Variants in HBP1 observed in about 807,000 individuals in gnomAD.
HBP1 encodes HMG box-containing protein 1.
In HBP1, 20 loss-of-function variants were observed where a neutral mutation model predicts 62.6. The observed-to-expected ratio is 0.32, with a 90% CI of 0.22 to 0.46. The LOEUF (loss-of-function observed/expected upper bound fraction) is 0.46, where lower values mean the gene tolerates loss of function less well. Ranked by LOEUF, HBP1 falls within the 20% of genes least tolerant of loss-of-function variation. The probability of loss-of-function intolerance (pLI) is 1.00; values close to 1 mark genes in which losing one functional copy is unlikely to be tolerated. For synonymous variants in HBP1, 232 were observed against 206.2 expected (o/e 1.12, Z -1.07); for missense variants, 480 against 611.8 (o/e 0.78, Z 2.27).
At chr7:107,170,269 T>A (rs1295606819) in intron 1 of HBP1, 1 of 251,194 alleles carries the variant, frequency 4.0e-6, no homozygotes, top group Non-Finnish European at 6.3e-6. Context: ...AGGCTTTAGC[T>A]TTATTAATAC....
intron 1 of HBP1, among the ~76,000 whole-genome samples, chr7:107,174,971 CTCTCTTAAGA>C (rs958575824): frequency 6.6e-5 from 10 of 152,040 alleles, no homozygotes; most frequent in African/African-American, 2.4e-4. Flanking sequence ...TGACTAGTTT[CTCTCTTAAGA>C]GTTAATAAAT....
chr7:107,200,039 C>G, intron 9 of HBP1, 121 bp from the exon 10 acceptor site: 1 of 738,584 alleles, frequency 1.4e-6, no homozygotes, highest in Non-Finnish European at 2.1e-6. Flanking sequence ...TTTCCCATCT[C>G]TGTGATAGAC....
At position 107,169,148 on chromosome 7, in the gene HBP1, G is replaced by C; in HGVS notation, c.-53G>C. 2.5e-6 allele frequency: 3 copies of C among 1,198,452 alleles called. No individual in the cohort carries two copies. The South Asian group carries it at 4.3e-5, about 17-fold the overall frequency. The allele number at this position is 1,198,452 out of a possible 1,614,324, so 74.2% of individuals were successfully genotyped here. A position where few individuals can be genotyped will look rare whatever the true frequency, so the allele number is the denominator to read the frequency against. On this transcript the variant is annotated 5_prime_UTR_variant, in exon 1 of 11. Transcript: ENST00000222574. ...GCTGCTGGTGGTGTTGTCGTGGCCG[G>C]AGCGGCCCGCGCCTGGGCTGCCGGC...
chr7:107,197,559 G>A (rs760370703), intron 9 of HBP1, among the ~76,000 whole-genome samples: 40 of 152,006 alleles, frequency 2.6e-4, no homozygotes, highest in Admixed American at 1.6e-3. Flanking sequence ...TAGTAGACAT[G>A]GGGTTTCACT....
chr7:107,189,548 G>C (rs1797547384), intron 7 of HBP1, 100 bp downstream of exon 7: 5 of 848,232 alleles, frequency 5.9e-6, no homozygotes, highest in African/African-American at 1.7e-5. Flanking sequence ...AATTTGAGGG[G>C]AAAACGTCTT....
At chr7:107,181,616 C>G (rs974813895) in intron 2 of HBP1, among the ~76,000 whole-genome samples, 51 of 150,898 alleles carry the variant, frequency 3.4e-4, no homozygotes, top group African/African-American at 1.2e-3. Flanking sequence ...TTTAAGGGAC[C>G]CAATAGGTTT....
chr7:107,170,881 A>G (rs2115749078), intron 1 of HBP1, among the ~76,000 whole-genome samples: 1 of 149,808 alleles, frequency 6.7e-6, no homozygotes, highest in South Asian at 2.1e-4. Context: ...GTCAAACATG[A>G]TACTGTCACT....
chr7:107,170,276 A>G (rs1221985061), intron 1 of HBP1: 1 of 228,106 alleles, frequency 4.4e-6, no homozygotes, highest in Non-Finnish European at 7.3e-6. Flanking sequence ...AGCTTTATTA[A>G]TACTTCCCTC....
intron 1 of HBP1, 87 bp from the exon 2 acceptor site, chr7:107,179,792 T>G: frequency 1.2e-6 from 1 of 809,046 alleles, no homozygotes; most frequent in Non-Finnish European, 2.0e-6. Flanking sequence ...CAAAACAACA[T>G]TGTCATGTCT....
chr7:107,178,288 GGCATGAGCTACT>G (rs1796956402), intron 1 of HBP1, among the ~76,000 whole-genome samples: 2 of 152,078 alleles, frequency 1.3e-5, no homozygotes, highest in Non-Finnish European at 2.9e-5. Flanking sequence ...TGGAACTATA[GGCATGAGCTACT>G]GCATCAGGCT....
At chr7:107,188,515 G>A (rs1797496373) in intron 6 of HBP1, among the ~76,000 whole-genome samples, 1 of 152,146 alleles carries the variant, frequency 6.6e-6, no homozygotes, top group South Asian at 2.1e-4. Flanking sequence ...CTTTTGGCGT[G>A]TTTGTCTCCT....
intron 8 of HBP1, among the ~76,000 whole-genome samples, chr7:107,192,175 C>G (rs1229471372): frequency 6.6e-6 from 1 of 151,700 alleles, no homozygotes; most frequent in South Asian, 2.1e-4. Context: ...ATAACAAAAT[C>G]CAAACTTCCA....
chr7:107,179,821 G>A lies in HBP1; in HGVS notation c.-15-58G>A, dbSNP rs541157323. The A allele has an allele frequency of 9.0e-6, 10 of 1,108,224 alleles. No homozygotes were observed. The South Asian group carries it at 1.6e-4, about 17-fold the overall frequency. The allele number at this position is 1,108,224 out of a possible 1,614,324, so 68.6% of individuals were successfully genotyped here. On this transcript the variant is annotated intron_variant, in intron 1 of 10. Transcript: ENST00000222574. ...CATGTCTCTGATTTATTTTAGGTTT[G>A]TGTACTGCCCAAATTGCATGGCTTG... is the stretch of plus-strand genomic sequence containing the variant.
At chr7:107,186,291 G>C in intron 4 of HBP1, 70 bp from the exon 5 acceptor site, 1 of 919,652 alleles carries the variant, frequency 1.1e-6, no homozygotes, top group Non-Finnish European at 1.7e-6. Flanking sequence ...TAAAGACGTG[G>C]GATGAAAACA....
chr7:107,181,916 A>G (rs1797124314), intron 2 of HBP1, among the ~76,000 whole-genome samples: 2 of 152,102 alleles, frequency 1.3e-5, no homozygotes, highest in African/African-American at 4.8e-5. Context: ...ATAACCGATA[A>G]ATAACCAGTA....
At chr7:107,190,116 T>G in intron 7 of HBP1, 57 bp from the exon 8 acceptor site, 2 of 1,367,190 alleles carry the variant, frequency 1.5e-6, no homozygotes, top group Non-Finnish European at 2.0e-6. Context: ...ATGTCTGTTC[T>G]AAAGTAGGGT....
At chr7:107,190,487 A>G (rs149683924) in intron 8 of HBP1, among the ~76,000 whole-genome samples, 170 bp downstream of exon 8, 242 of 152,358 alleles carry the variant, frequency 1.6e-3, no homozygotes, top group African/African-American at 5.5e-3. Flanking sequence ...TAATTAAAGT[A>G]TAATAGTTAC....
Position 107,194,301 on chromosome 7 carries a change from TA to T in HBP1, c.1068-1532del, listed in dbSNP as rs1209051378. ...AATTAGCTTACCCAGTATCTTTTAG[TA>T]TTTTAAATTGTAATCATTTTCCATC... On this transcript the variant is annotated intron_variant, in intron 8 of 10. Coordinates refer to ENST00000222574, the MANE Select transcript of HBP1 (RefSeq NM_012257.4). 3.9e-5 allele frequency among the ~76,000 whole-genome samples: 6 copies of T among 152,222 alleles called. No individual in the cohort carries two copies. In the East Asian group the frequency reaches 1.2e-3, roughly 29 times the overall value.
At position 107,185,802 on chromosome 7, in the gene HBP1, T is replaced by C. The variant is rs1325980472; in HGVS notation, c.400T>C (p.Ser134Pro). 6.2e-7 allele frequency: 1 copy of C among 1,611,006 alleles called. No homozygotes were observed. The highest frequency in any genetic ancestry group is 8.5e-7 in the Non-Finnish European group (1 of 1,177,788). Residue 134 changes from serine (S) to proline (P), a missense_variant and splice_region_variant, in exon 4 of 11, where the codon TCA (serine) becomes CCA (proline). Transcript: ENST00000222574. The stretch of plus-strand genomic sequence containing the variant: ...GTTGAAACTGTTGCTTTATTTTAGA[T>C]CATCTCCTGTACACATCATAGCCAC... ...PLMQCSFYNRSSPVHIIATSK... is the reference protein window; with the variant it reads ...PLMQCSFYNRPSPVHIIATSK...
Sources: gnomAD v4.1 joint callset for allele counts (sites outside exome capture counted in the v4.1 genomes callset) on GRCh38, gnomAD v4.1.1 for gene constraint, MANE v1.5 for transcripts, NCBI Gene and HGNC (gene_info 2026-07-23, HGNC 2026-07-21) for gene names.